PCDH15: variants seen among roughly 807,000 people sequenced by gnomAD.
PCDH15 encodes protocadherin related 15.
A neutral mutation model predicts 178.5 loss-of-function variants in PCDH15; 129 were observed. The observed-to-expected ratio is 0.72, with a 90% CI of 0.63 to 0.84. The LOEUF (loss-of-function observed/expected upper bound fraction) is 0.84, where lower values mean the gene tolerates loss of function less well. PCDH15 is among the 40% of genes least tolerant of loss of function. The pLI is 0.00. For synonymous variants in PCDH15, 800 were observed against 732.0 expected (o/e 1.09, Z -1.50); for missense variants, 2,230 against 2,099.9 (o/e 1.06, Z -1.21).
chr10:55,423,561 G>T (rs1838676730), intron 2 of PCDH15, among the ~76,000 whole-genome samples: 1 of 151,890 alleles, frequency 6.6e-6, no homozygotes, highest in African/African-American at 2.4e-5. Flanking sequence ...CTCACTATAA[G>T]GTAAAAGGGG....
At chr10:54,837,255 C>T (rs555733435) in intron 3 of PCDH15, among the ~76,000 whole-genome samples, 57 of 151,996 alleles carry the variant, frequency 3.8e-4, no homozygotes, top group Non-Finnish European at 7.5e-4. Context: ...ATATGTTACA[C>T]CCAGTCAGGA....
rs572743649 is a variant in PCDH15, at chr10:55,164,329, A to T, written c.-80+2247T>A. Among the ~76,000 whole-genome samples the T allele has an allele frequency of 3.3e-5, 5 of 151,838 alleles. No homozygotes were observed. The East Asian group carries it at 9.7e-4, about 29-fold the overall frequency. On this transcript the variant is annotated intron_variant, in intron 2 of 5. Coordinates refer to the PCDH15 transcript ENST00000458638. Reference sequence around the variant, plus strand: ...TTTTTTTTAAATATTCTTTTTGGTCAATGTTTTGTTTCCTTGACCTGTTAA... The same window carrying T: ...TTTTTTTTAAATATTCTTTTTGGTCTATGTTTTGTTTCCTTGACCTGTTAA...
At chr10:54,875,296 T>C (rs1954119845) in intron 3 of PCDH15, among the ~76,000 whole-genome samples, 1 of 152,126 alleles carries the variant, frequency 6.6e-6, no homozygotes, top group South Asian at 2.1e-4. Context: ...TTGATAAATA[T>C]TGTGTATGTT....
At chr10:55,456,335 T>C (rs1377764028) in intron 2 of PCDH15, among the ~76,000 whole-genome samples, 1 of 152,110 alleles carries the variant, frequency 6.6e-6, no homozygotes, top group South Asian at 2.1e-4. Context: ...AAGTTATCTC[T>C]TTGCTTTTTG....
At chr10:54,442,450 A>G (rs1306978933) in intron 3 of PCDH15, among the ~76,000 whole-genome samples, 1 of 119,766 alleles carries the variant, frequency 8.3e-6, no homozygotes, top group African/African-American at 3.8e-5. Flanking sequence ...ATATATATAT[A>G]TATATATATA....
intron 2 of PCDH15, among the ~76,000 whole-genome samples, chr10:55,467,950 G>A (rs908460897): frequency 1.4e-5 from 1 of 72,308 alleles, no homozygotes; most frequent in East Asian, 4.0e-4. Flanking sequence ...CTGGGCGATA[G>A]AGCCAGACTC....
At chr10:54,890,151 T>C (rs543246616) in intron 3 of PCDH15, among the ~76,000 whole-genome samples, 131 of 152,100 alleles carry the variant, frequency 8.6e-4, no homozygotes, top group Non-Finnish European at 1.6e-3. Context: ...TTAGATGATA[T>C]GATAGGTGAC....
At chr10:54,717,656 G>T (rs2095497564) in intron 1 of PCDH15, among the ~76,000 whole-genome samples, 1 of 133,072 alleles carries the variant, frequency 7.5e-6, no homozygotes. Flanking sequence ...CTTTTACACT[G>T]TTGGTGGGAC....
intron 6 of PCDH15, among the ~76,000 whole-genome samples, chr10:54,330,038 T>A (rs1331443662): frequency 1.3e-5 from 2 of 151,948 alleles, no homozygotes; most frequent in African/African-American, 4.8e-5. Flanking sequence ...TACCACATTA[T>A]CTTTTCACTG....
intron 2 of PCDH15, among the ~76,000 whole-genome samples, chr10:54,587,957 T>C (rs1399020726): frequency 2.0e-5 from 3 of 152,206 alleles, no homozygotes; most frequent in Admixed American, 2.0e-4. Flanking sequence ...TTTATTTATT[T>C]TCCTACACAT....
intron 2 of PCDH15, among the ~76,000 whole-genome samples, chr10:55,534,097 A>G (rs1282380861): frequency 9.2e-5 from 14 of 152,102 alleles, no homozygotes; most frequent in Admixed American, 8.5e-4. Context: ...TGGATTAAAG[A>G]TTTAAAGACA....
intron 2 of PCDH15, among the ~76,000 whole-genome samples, chr10:55,072,904 T>A (rs1462978053): frequency 6.7e-6 from 1 of 150,348 alleles, no homozygotes; most frequent in East Asian, 2.0e-4. Flanking sequence ...TCCACCATGA[T>A]CAAGTGGGCT....
At chr10:54,250,077 C>CTATTTTTTTTTTTT (rs1412806029) in intron 8 of PCDH15, among the ~76,000 whole-genome samples, 8 of 137,806 alleles carry the variant, frequency 5.8e-5, no homozygotes, top group African/African-American at 2.2e-4. Context: ...CCACATCCGG[C>CTATTTTTTTTTTTT]TTTTTTTTTT....
At chr10:54,691,078 A>C (rs1015879120) in intron 1 of PCDH15, among the ~76,000 whole-genome samples, 1 of 152,174 alleles carries the variant, frequency 6.6e-6, no homozygotes, top group African/African-American at 2.4e-5. Context: ...TTTAATTATC[A>C]ATTAAAAATT....
chr10:55,338,382 A>T (rs1427976066), intron 2 of PCDH15, among the ~76,000 whole-genome samples: 1 of 152,220 alleles, frequency 6.6e-6, no homozygotes, highest in East Asian at 1.9e-4. Flanking sequence ...AATGACCAAG[A>T]TATGGAATCA....
At chr10:54,865,540 C>T (rs1461066783) in intron 3 of PCDH15, among the ~76,000 whole-genome samples, 1 of 151,998 alleles carries the variant, frequency 6.6e-6, no homozygotes, top group African/African-American at 2.4e-5. Flanking sequence ...TAATAAACTC[C>T]CTCACTATCA....
At chr10:55,344,579 A>G (rs1484316702) in intron 2 of PCDH15, among the ~76,000 whole-genome samples, 1 of 152,100 alleles carries the variant, frequency 6.6e-6, no homozygotes, top group Non-Finnish European at 1.5e-5. Flanking sequence ...CTGTTGGTCC[A>G]CGCAACTAGT....
chr10:54,097,826 C>A (rs2094727298), intron 15 of PCDH15, among the ~76,000 whole-genome samples: 1 of 152,248 alleles, frequency 6.6e-6, no homozygotes, highest in East Asian at 1.9e-4. Flanking sequence ...CCTGTTTTCA[C>A]TGGGAGGCAG....
At chr10:53,810,688 A>C (rs773060997) in intron 36 of PCDH15, 24 bp from the exon 37 acceptor site, 43 of 1,584,188 alleles carry the variant, frequency 2.7e-5, no homozygotes, top group Admixed American at 3.3e-5. Context: ...TTACATCTTT[A>C]AACAGTTTGT....
Sources: gnomAD v4.1 joint callset for allele counts (sites outside exome capture counted in the v4.1 genomes callset) on GRCh38, gnomAD v4.1.1 for gene constraint, MANE v1.5 for transcripts, NCBI Gene and HGNC (gene_info 2026-07-23, HGNC 2026-07-21) for gene names.